Variants in PGM2 observed in about 807,000 individuals in gnomAD.
The protein encoded by PGM2 is phosphoglucomutase 2.
Under a neutral mutation model 74.6 loss-of-function variants are expected in PGM2, and 57 were observed. That is an observed-to-expected ratio of 0.76 (90% CI 0.62 to 0.95). PGM2 has a LOEUF of 0.95. PGM2 is among the 40% of genes least tolerant of loss of function. The pLI, the probability that PGM2 is intolerant of heterozygous loss-of-function variation, is 0.00. For synonymous variants in PGM2, 273 were observed against 260.7 expected (o/e 1.05, Z -0.46); for missense variants, 706 against 741.9 (o/e 0.95, Z 0.56).
intron 10 of PGM2, among the ~76,000 whole-genome samples, chr4:37,848,013 G>A (rs1019911743): frequency 5.9e-5 from 9 of 152,112 alleles, no homozygotes; most frequent in African/African-American, 1.7e-4. Context: ...TTGTCTTTCC[G>A]TAGCTTTTTA....
In PGM2 at chr4:37,850,223, C is replaced by T; in HGVS notation, c.1452C>T (p.Cys484=). The T allele has an allele frequency of 1.9e-6, 3 of 1,578,952 alleles. No homozygotes were observed. The highest frequency in any genetic ancestry group is 2.6e-6 in the Non-Finnish European group (3 of 1,165,734). ...YHITKASYFI[C]HDQETIKKLF... is the part of the protein sequence containing the mutation. Reference sequence around the variant, plus strand: ...TTACTAAAGCTTCCTATTTTATCTGCCATGATCAAGAAACCATTAAGAAAT... The same window carrying T: ...TTACTAAAGCTTCCTATTTTATCTGTCATGATCAAGAAACCATTAAGAAAT... Residue 484 remains cysteine, a synonymous_variant, in exon 12 of 14, where the codon TGC becomes TGT. Coordinates refer to ENST00000381967, the MANE Select transcript of PGM2 (RefSeq NM_018290.4).
chr4:37,842,998 A>C (rs1725771984), intron 6 of PGM2, among the ~76,000 whole-genome samples: 1 of 152,176 alleles, frequency 6.6e-6, no homozygotes, highest in African/African-American at 2.4e-5. Flanking sequence ...GAGTAATGCC[A>C]GTAAATTCTG....
intron 4 of PGM2, among the ~76,000 whole-genome samples, chr4:37,839,305 G>A (rs1725643863): frequency 6.6e-6 from 1 of 151,828 alleles, no homozygotes; most frequent in Admixed American, 6.6e-5. Flanking sequence ...AGTAGAGACA[G>A]GGTTTCACCA....
chr4:37,850,362 G>T lies in PGM2; in HGVS notation c.1591G>T (p.Asp531Tyr). ...LTTGYDDSQPDKKAVLPTSKS... is the reference protein window; with the variant it reads ...LTTGYDDSQPYKKAVLPTSKS... Reference sequence around the variant, plus strand: ...AACTGGCTATGATGATAGCCAACCTGATAAAAAAGCTGTAAGTAATGTCTT... The same window carrying T: ...AACTGGCTATGATGATAGCCAACCTTATAAAAAAGCTGTAAGTAATGTCTT... Residue 531 changes from aspartate to tyrosine, a missense_variant, in exon 12 of 14, where the codon GAT becomes TAT. Transcript: ENST00000381967. 6.6e-7 allele frequency: 1 copy of T among 1,525,588 alleles called. No individual in the cohort carries two copies. 94.5% of individuals were successfully genotyped at this position (1,525,588 alleles called of 1,614,324 possible).
chr4:37,841,524 C>T (rs1440903036), intron 6 of PGM2, among the ~76,000 whole-genome samples: 1 of 152,116 alleles, frequency 6.6e-6, no homozygotes, highest in Non-Finnish European at 1.5e-5. Flanking sequence ...CCCAGTCCTG[C>T]CTGAAGGGAG....
intron 11 of PGM2, among the ~76,000 whole-genome samples, chr4:37,849,770 A>ATTTATTTTATTATTTAT (rs1205921957): frequency 1.3e-5 from 2 of 151,266 alleles, no homozygotes; most frequent in Non-Finnish European, 2.9e-5. Context: ...TGGCTGTTAC[A>ATTTATTTTATTATTTAT]TTTATTTTAT....
Position 37,841,072 on chromosome 4 carries a change from G to GTATATATATATATATATA in PGM2, c.719+825_719+842dup, listed in dbSNP as rs36127170. On this transcript the variant is annotated intron_variant, in intron 6 of 13. Transcript: ENST00000381967. ...AAAAATTTTCTGTGCATATGCAAGC[G>GTATATATATATATATATA]TATATATATATATATATATATATAT... Among the ~76,000 whole-genome samples, 838 of 113,328 alleles carry GTATATATATATATATATA rather than the reference G, an allele frequency of 7.4e-3. 6 individuals carry two copies. The highest frequency in any genetic ancestry group is 0.01 in the East Asian group (31 of 3,032). The allele number at this position is 113,328 out of a possible 152,430, so 74.3% of individuals were successfully genotyped here.
At chr4:37,835,671 G>C (rs995818437) in intron 3 of PGM2, among the ~76,000 whole-genome samples, 3 of 152,152 alleles carry the variant, frequency 2.0e-5, no homozygotes, top group Non-Finnish European at 4.4e-5. Context: ...TGAGTTTATA[G>C]AGTCCTATCT....
At chr4:37,840,962 G>A (rs55896978) in intron 6 of PGM2, among the ~76,000 whole-genome samples, 64,509 of 140,568 alleles carry the variant, frequency 0.46, 16,077 homozygotes, top group Non-Finnish European at 0.59. Flanking sequence ...GTGTGTGTGT[G>A]TGTATATATA....
intron 6 of PGM2, among the ~76,000 whole-genome samples, chr4:37,841,100 A>ATATATATATATATATGTG (rs1202149456): frequency 1.4e-4 from 16 of 115,744 alleles, no homozygotes; most frequent in East Asian, 9.0e-4. Flanking sequence ...ATATATATAT[A>ATATATATATATATATGTG]TGTGTGTGTG....
Position 37,861,961 on chromosome 4 carries a change from T to A in PGM2, c.*349T>A. 1 of 183,168 alleles carries A rather than the reference T, an allele frequency of 5.5e-6. No individual in the cohort carries two copies. 11.3% of individuals were successfully genotyped at this position (183,168 alleles called of 1,614,324 possible). A position where few individuals can be genotyped will look rare whatever the true frequency, so the allele number is the denominator to read the frequency against. On this transcript the variant is annotated 3_prime_UTR_variant, in exon 14 of 14. Coordinates refer to ENST00000381967, the MANE Select transcript of PGM2 (RefSeq NM_018290.4). Reference sequence around the variant, plus strand: ...TCTCTGTAATTGTTTTAATGTGTGCTTGAAATATCCAGAAAACCTATGGAG... The same window carrying A: ...TCTCTGTAATTGTTTTAATGTGTGCATGAAATATCCAGAAAACCTATGGAG...
chr4:37,856,419 T>C (rs1017388440), intron 13 of PGM2, among the ~76,000 whole-genome samples: 1 of 151,996 alleles, frequency 6.6e-6, no homozygotes, highest in Non-Finnish European at 1.5e-5. Flanking sequence ...TATAATCCAT[T>C]CCACATGCAT....
Position 37,839,956 on chromosome 4 carries a change from C to T in PGM2, c.525+25C>T, listed in dbSNP as rs537739027. The T allele has an allele frequency of 2.4e-4, 357 of 1,492,644 alleles. 4 individuals carry two copies. In the South Asian group the frequency reaches 3.8e-3, roughly 16 times the overall value. The allele number at this position is 1,492,644 out of a possible 1,614,324, so 92.5% of individuals were successfully genotyped here. On this transcript the variant is annotated intron_variant, in intron 5 of 13. Coordinates refer to ENST00000381967, the MANE Select transcript of PGM2 (RefSeq NM_018290.4). ...GGTATTTTCCTTTTTCTACTCCACA[C>T]GTACATCCTTCTGTAGGAATCCTGT...
chr4:37,836,472 G>T (rs150905408), intron 3 of PGM2, among the ~76,000 whole-genome samples: 62 of 152,304 alleles, frequency 4.1e-4, no homozygotes, highest in Middle Eastern at 3.4e-3. Flanking sequence ...TAAATATCTG[G>T]TGGGGAACGT....
Position 37,861,744 on chromosome 4 carries a change from C to G in PGM2, c.*132C>G. ...ATGTGTTTTACAAAGACCTACATTCCTCATTGTTTCATGTTTGACCTTTAA... is the reference window on the plus strand; with the variant it reads ...ATGTGTTTTACAAAGACCTACATTCGTCATTGTTTCATGTTTGACCTTTAA... On this transcript the variant is annotated 3_prime_UTR_variant, in exon 14 of 14. Transcript: ENST00000381967. 2 of 528,176 alleles carry G rather than the reference C, an allele frequency of 3.8e-6. No individual in the cohort carries two copies. The highest frequency in any genetic ancestry group is 3.2e-5 in the South Asian group (1 of 31,450). 32.7% of individuals were successfully genotyped at this position (528,176 alleles called of 1,614,324 possible).
intron 11 of PGM2, among the ~76,000 whole-genome samples, chr4:37,849,068 C>A (rs1725960362): frequency 7.3e-6 from 1 of 136,478 alleles, no homozygotes; most frequent in African/African-American, 2.9e-5. Flanking sequence ...TAAACTCTGT[C>A]TCAAAAAAAA....
chr4:37,855,325 A>T (rs1193646867), intron 12 of PGM2, among the ~76,000 whole-genome samples: 2 of 152,080 alleles, frequency 1.3e-5, no homozygotes, highest in Non-Finnish European at 2.9e-5. Flanking sequence ...GGCTTATTTC[A>T]CTCAACATAA....
chr4:37,849,896 C>T (rs1279606904), intron 11 of PGM2, among the ~76,000 whole-genome samples: 4 of 152,118 alleles, frequency 2.6e-5, no homozygotes, highest in South Asian at 2.1e-4. Context: ...AAGCGATTCT[C>T]CTGCTGCAGC....
rs568168550 is a variant in PGM2 at position 37,856,274 on chromosome 4, A to G, written c.1736+533A>G. Reference sequence around the variant, plus strand: ...GTGGCGGGCGCCTGTAGTCCCAGCTACTCGGGAGGCTGAGGCAGGAGAATG... The same window carrying G: ...GTGGCGGGCGCCTGTAGTCCCAGCTGCTCGGGAGGCTGAGGCAGGAGAATG... On this transcript the variant is annotated intron_variant, in intron 13 of 13. Transcript: ENST00000381967. Among the ~76,000 whole-genome samples the G allele has an allele frequency of 2.6e-3, 397 of 152,060 alleles. 2 individuals carry two copies. Among genetic ancestry groups the G allele is most frequent in the African/African-American group, 9.3e-3 (386 of 41,496 alleles).
Sources: gnomAD v4.1 joint callset for allele counts (sites outside exome capture counted in the v4.1 genomes callset) on GRCh38, gnomAD v4.1.1 for gene constraint, MANE v1.5 for transcripts, NCBI Gene and HGNC (gene_info 2026-07-23, HGNC 2026-07-21) for gene names.